ADAM22: variants seen among roughly 807,000 people sequenced by gnomAD.
ADAM22 encodes the protein ADAM metallopeptidase domain 22, also known as disintegrin and metalloproteinase domain-containing protein 22.
In ADAM22, 65 loss-of-function variants were observed where a neutral mutation model predicts 144.6. The ratio of observed to expected loss-of-function variants is 0.45; its 90% CI spans 0.37 to 0.55. The LOEUF (loss-of-function observed/expected upper bound fraction) is 0.55. Ranked by LOEUF, ADAM22 falls within the 20% of genes least tolerant of loss-of-function variation. ADAM22 has a pLI of 0.00. For synonymous variants in ADAM22, 391 were observed against 412.6 expected, an observed-to-expected ratio of 0.95 and a Z score of 0.63; for missense variants, 974 against 1,184.9, an observed-to-expected ratio of 0.82 and a Z score of 2.61.
chr7:87,955,650 TCTC>T (rs1846482714), intron 2 of ADAM22, among the ~76,000 whole-genome samples: 1 of 152,140 alleles, frequency 6.6e-6, no homozygotes, highest in Admixed American at 6.5e-5. Flanking sequence ...GAACCACTGC[TCTC>T]CTCAAAGTTG....
At chr7:88,177,906 T>C (rs1188008073) in intron 26 of ADAM22, among the ~76,000 whole-genome samples, 1 of 152,182 alleles carries the variant, frequency 6.6e-6, no homozygotes, top group Non-Finnish European at 1.5e-5. Context: ...AGCATAGCTT[T>C]GTTAAAAATT....
intron 5 of ADAM22, among the ~76,000 whole-genome samples, chr7:88,113,628 C>T (rs10281274): frequency 0.71 from 93,853 of 131,630 alleles, 35,160 homozygotes; most frequent in African/African-American, 0.91. Flanking sequence ...TTCCCTAGAA[C>T]TTATCACTGT....
rs141182925 is a variant in ADAM22 at position 88,042,373 on chromosome 7, A to G, written c.324-33253A>G. Among the ~76,000 whole-genome samples the G allele has an allele frequency of 1.2e-3, 190 of 152,082 alleles. 1 individual carries two copies. The highest frequency in any genetic ancestry group is 4.3e-3 in the African/African-American group (178 of 41,562). On this transcript the variant is annotated intron_variant, in intron 3 of 31. Coordinates refer to ENST00000413139, the MANE Select transcript of ADAM22 (RefSeq NM_001324418.2). ...GGTTTCATTTTCAAATTGGTGGATTATGTTGATCTGGTATATAGCTGGTAT... is the reference window on the plus strand; with the variant it reads ...GGTTTCATTTTCAAATTGGTGGATTGTGTTGATCTGGTATATAGCTGGTAT...
intron 3 of ADAM22, among the ~76,000 whole-genome samples, chr7:88,048,659 C>A (rs1401853514): frequency 1.3e-5 from 2 of 151,958 alleles, no homozygotes; most frequent in African/African-American, 2.4e-5. Flanking sequence ...AGAATGTTCA[C>A]CTTTTCTTAT....
intron 2 of ADAM22, among the ~76,000 whole-genome samples, chr7:87,966,593 G>C (rs534281656): frequency 6.6e-6 from 1 of 152,190 alleles, no homozygotes; most frequent in East Asian, 1.9e-4. Context: ...TGGTTTGTTG[G>C]AGCAGGGACC....
At chr7:87,958,164 A>G (rs1390885813) in intron 2 of ADAM22, among the ~76,000 whole-genome samples, 2 of 152,086 alleles carry the variant, frequency 1.3e-5, no homozygotes, top group African/African-American at 2.4e-5. Context: ...ACCATTTGAC[A>G]TACACATTTG....
chr7:88,094,456 A>G (rs776991793), intron 4 of ADAM22, among the ~76,000 whole-genome samples: 1 of 152,202 alleles, frequency 6.6e-6, no homozygotes, highest in Non-Finnish European at 1.5e-5. Context: ...GGTGGACAGA[A>G]TAAGAGGTGG....
intron 3 of ADAM22, among the ~76,000 whole-genome samples, chr7:87,993,898 T>A (rs1790477566): frequency 6.6e-6 from 1 of 152,192 alleles, no homozygotes; most frequent in African/African-American, 2.4e-5. Context: ...CTAGCCCTAC[T>A]CAAAGAGTTA....
intron 3 of ADAM22, among the ~76,000 whole-genome samples, chr7:88,040,238 T>A (rs1802780042): frequency 6.6e-6 from 1 of 151,986 alleles, no homozygotes; most frequent in Admixed American, 6.5e-5. Context: ...TTCAAGCTAT[T>A]CTCCTGCCTC....
At chr7:88,166,255 T>C (rs898534729) in intron 24 of ADAM22, among the ~76,000 whole-genome samples, 1 of 152,184 alleles carries the variant, frequency 6.6e-6, no homozygotes, top group Non-Finnish European at 1.5e-5. Flanking sequence ...CTCTTAATTG[T>C]GTGCATTTAG....
Position 88,046,159 on chromosome 7 carries a change from C to T in ADAM22, c.324-29467C>T, listed in dbSNP as rs1034567502. 2.0e-5 allele frequency among the ~76,000 whole-genome samples: 3 copies of T among 152,176 alleles called. 1 individual carries two copies. The Middle Eastern group carries it at 0.01, about 518-fold the overall frequency. ...ACCTCCAGATTGTTTTTCCTAATGG[C>T]TGTACTAATTTATATTCCCATCAAC... On this transcript the variant is annotated intron_variant, in intron 3 of 31. Coordinates refer to ENST00000413139, the MANE Select transcript of ADAM22 (RefSeq NM_001324418.2).
At chr7:87,950,787 C>T (rs1393860299) in intron 2 of ADAM22, among the ~76,000 whole-genome samples, 1 of 149,944 alleles carries the variant, frequency 6.7e-6, no homozygotes, top group Non-Finnish European at 1.5e-5. Context: ...TCTCCACATC[C>T]TCTCCAGCAC....
chr7:88,181,582 G>A lies in ADAM22; in HGVS notation c.2573G>A (p.Arg858Gln), dbSNP rs1235213497. ...ATTTCAGACATCTGTGAAAATGGGCGACCTCGAAGTAACTCTTGGCAAGGT... is the reference window on the plus strand; with the variant it reads ...ATTTCAGACATCTGTGAAAATGGGCAACCTCGAAGTAACTCTTGGCAAGGT... ...KHISDICENG[R>Q]PRSNSWQGNL... Residue 858 changes from arginine (R) to glutamine (Q), a missense_variant, in exon 28 of 32, where the codon CGA (arginine) becomes CAA (glutamine). Arg to Gln is a conservative substitution (Grantham distance 43). This residue lies in a region of ADAM22 where 734 missense variants were observed against 950.6 expected (regional missense o/e 0.77). Coordinates refer to ENST00000413139, the MANE Select transcript of ADAM22 (RefSeq NM_001324418.2). The A allele has an allele frequency of 6.2e-7, 1 of 1,613,542 alleles. No homozygotes were observed. Among genetic ancestry groups the A allele is most frequent in the African/African-American group, 1.3e-5 (1 of 74,880 alleles).
rs1399989001 is a variant in ADAM22 at position 88,199,117 on chromosome 7, C to A, written c.*2626C>A. 1 of 152,126 alleles carries A rather than the reference C, an allele frequency of 6.6e-6. No homozygotes were observed. Among genetic ancestry groups the A allele is most frequent in the Admixed American group, 6.5e-5 (1 of 15,278 alleles). 9.4% of individuals were successfully genotyped at this position (152,126 alleles called of 1,614,324 possible). On this transcript the variant is annotated 3_prime_UTR_variant, in exon 32 of 32. Coordinates refer to ENST00000413139, the MANE Select transcript of ADAM22 (RefSeq NM_001324418.2). ...CATCTAAATATTTATGACTTTTCAT[C>A]CACCGAGGTAGGTAGCATTAAATAT...
Position 88,193,247 on chromosome 7 carries a change from G to A in ADAM22, c.2874+8G>A. ...AACCGACAAAGTGCCAGGGTATGTG[G>A]AAACCTCTTCCATGTGCGTACATGC... is the stretch of plus-strand genomic sequence containing the variant. On this transcript the variant is annotated splice_region_variant and intron_variant, in intron 31 of 31. Coordinates refer to ENST00000413139, the MANE Select transcript of ADAM22 (RefSeq NM_001324418.2). The A allele has an allele frequency of 6.2e-7, 1 of 1,613,372 alleles. No homozygotes were observed. The highest frequency in any genetic ancestry group is 1.3e-5 in the African/African-American group (1 of 75,024).
chr7:88,085,061 C>A (rs911680050), intron 4 of ADAM22, among the ~76,000 whole-genome samples: 10 of 152,306 alleles, frequency 6.6e-5, no homozygotes, highest in Admixed American at 5.2e-4. Context: ...TCTTTAGAGA[C>A]CCTGTCTCTA....
chr7:88,000,428 G>GT (rs2129455983), intron 3 of ADAM22, among the ~76,000 whole-genome samples: 2 of 152,010 alleles, frequency 1.3e-5, no homozygotes, highest in Middle Eastern at 3.4e-3. Context: ...GTATTTCATT[G>GT]TTTTTTATTT....
At chr7:88,185,595 A>G (rs1848110686) in intron 29 of ADAM22, among the ~76,000 whole-genome samples, 1 of 152,202 alleles carries the variant, frequency 6.6e-6, no homozygotes, top group Non-Finnish European at 1.5e-5. Context: ...AAACTTCCAA[A>G]TTCTTCCAGT....
At chr7:88,081,189 C>T (rs1019362275) in intron 4 of ADAM22, among the ~76,000 whole-genome samples, 7 of 151,994 alleles carry the variant, frequency 4.6e-5, no homozygotes, top group South Asian at 2.1e-4. Flanking sequence ...GTTCAACATA[C>T]AAAAATCAAT....
Sources: allele counts gnomAD v4.1 joint callset (sites outside exome capture counted in the v4.1 genomes callset), GRCh38; gene constraint gnomAD v4.1.1; regional missense constraint gnomAD v4.1.1; transcripts MANE v1.5; gene names NCBI Gene and HGNC (gene_info 2026-07-23, HGNC 2026-07-21).